DLG2: variants seen among roughly 807,000 people sequenced by gnomAD.
The protein encoded by DLG2 is disks large homolog 2.
DLG2 carries 45 observed loss-of-function variants against 132.5 expected under a neutral mutation model. The ratio of observed to expected loss-of-function variants is 0.34; its 90% CI spans 0.27 to 0.44. The LOEUF is 0.44. Among genes scored for constraint, DLG2 ranks in the 20% least tolerant of loss-of-function variants. The pLI is 1.00. For missense variants in DLG2, 1,045 were observed against 1,196.9 expected, an observed-to-expected ratio of 0.87 and a Z score of 1.87; for synonymous variants, 424 against 419.6, an observed-to-expected ratio of 1.01 and a Z score of -0.13.
intron 6 of DLG2, among the ~76,000 whole-genome samples, chr11:84,759,450 A>G (rs2067309126): frequency 6.6e-6 from 1 of 152,198 alleles, no homozygotes; most frequent in African/African-American, 2.4e-5. Flanking sequence ...TATTATAATT[A>G]TCATAATAAT....
rs562605069 is a variant in DLG2, at chr11:83,966,638, G to A, written c.1057-1170C>T. ...TATATAAAAAAATAAATTTTGTTGT[G>A]TATATTTCAGGTTCACAGCATGATG... On this transcript the variant is annotated intron_variant, in intron 12 of 27. Transcript: ENST00000376104. 2.1e-3 allele frequency among the ~76,000 whole-genome samples: 326 copies of A among 152,086 alleles called. 1 individual carries two copies. Among genetic ancestry groups the A allele is most frequent in the African/African-American group, 5.9e-3 (246 of 41,550 alleles).
At position 85,089,075 on chromosome 11, in the gene DLG2, A is replaced by T. The variant is rs623403; in HGVS notation, c.357+22586T>A. Among the ~76,000 whole-genome samples, 13 of 152,228 alleles carry T rather than the reference A, an allele frequency of 8.5e-5. No homozygotes were observed. In the South Asian group the frequency reaches 2.5e-3, roughly 29 times the overall value. On this transcript the variant is annotated intron_variant, in intron 6 of 27. Coordinates refer to ENST00000376104, the MANE Select transcript of DLG2 (RefSeq NM_001142699.3). ...AGCTCCTTACCACTTGAGGGTCCAA[A>T]GTCTCCCAGTTTGAGAACTATTCTT... is the stretch of plus-strand genomic sequence containing the variant.
chr11:83,668,794 AAC>A (rs1238221829), intron 18 of DLG2, among the ~76,000 whole-genome samples: 901 of 82,088 alleles, frequency 0.011, 20 homozygotes, highest in African/African-American at 0.02. Flanking sequence ...TGTGTATATA[AAC>A]ACACATATAT....
chr11:83,628,619 C>T (rs1422963899), intron 19 of DLG2, among the ~76,000 whole-genome samples: 1 of 152,026 alleles, frequency 6.6e-6, no homozygotes, highest in Non-Finnish European at 1.5e-5. Context: ...AATGGTTGAC[C>T]CATAGAAAAT....
chr11:83,913,539 C>A (rs2076422202), intron 15 of DLG2, among the ~76,000 whole-genome samples: 1 of 151,984 alleles, frequency 6.6e-6, no homozygotes, highest in African/African-American at 2.4e-5. Context: ...AGGCTAATTT[C>A]TATAACTTTG....
chr11:84,505,361 A>T (rs2099236025), intron 7 of DLG2, among the ~76,000 whole-genome samples: 1 of 152,190 alleles, frequency 6.6e-6, no homozygotes, highest in Non-Finnish European at 1.5e-5. Flanking sequence ...ATTTGTCTTC[A>T]CAAGAATCCT....
intron 10 of DLG2, among the ~76,000 whole-genome samples, chr11:84,079,439 A>C (rs1268239835): frequency 6.6e-6 from 1 of 152,072 alleles, no homozygotes; most frequent in Non-Finnish European, 1.5e-5. Flanking sequence ...ACCTGCTGCC[A>C]TGCCCAGCTA....
chr11:84,410,533 ACT>A (rs2098894844), intron 7 of DLG2, among the ~76,000 whole-genome samples: 1 of 147,908 alleles, frequency 6.8e-6, no homozygotes, highest in Non-Finnish European at 1.5e-5. Flanking sequence ...CCTATCAATG[ACT>A]CTACTATATA....
chr11:84,625,053 G>A (rs2099620296), intron 6 of DLG2, among the ~76,000 whole-genome samples: 1 of 149,918 alleles, frequency 6.7e-6, no homozygotes, highest in Non-Finnish European at 1.5e-5. Context: ...GTAGAGACGG[G>A]GTTTCACCGT....
chr11:83,869,351 C>A (rs1167801061), intron 16 of DLG2, among the ~76,000 whole-genome samples: 1 of 152,080 alleles, frequency 6.6e-6, no homozygotes, highest in Admixed American at 6.6e-5. Flanking sequence ...AAGGAGAGAA[C>A]AAGAGAGAGA....
chr11:83,483,482 A>G (rs957164096), intron 22 of DLG2, among the ~76,000 whole-genome samples: 3 of 152,138 alleles, frequency 2.0e-5, no homozygotes, highest in Admixed American at 6.5e-5. Flanking sequence ...GAGATTCAAG[A>G]AGGAAATTTC....
intron 7 of DLG2, among the ~76,000 whole-genome samples, chr11:84,345,525 C>T (rs936706490): frequency 6.6e-6 from 1 of 152,168 alleles, no homozygotes; most frequent in Non-Finnish European, 1.5e-5. Context: ...TTTAACTGGA[C>T]TGATAGTGGT....
At chr11:84,080,760 G>A (rs1594813486) in intron 10 of DLG2, among the ~76,000 whole-genome samples, 1 of 152,086 alleles carries the variant, frequency 6.6e-6, no homozygotes, top group Non-Finnish European at 1.5e-5. Context: ...GGGAAGCTGA[G>A]GTGGGTGGAT....
At chr11:84,442,022 C>A (rs2099018721) in intron 7 of DLG2, among the ~76,000 whole-genome samples, 1 of 152,104 alleles carries the variant, frequency 6.6e-6, no homozygotes, top group African/African-American at 2.4e-5. Flanking sequence ...TTACTGTAGT[C>A]TTATAGTATA....
Position 83,455,222 on chromosome 11 carries a change from G to T in DLG2, c.*4596C>A, listed in dbSNP as rs1329214863. 2.0e-5 allele frequency: 3 copies of T among 152,616 alleles called. No individual in the cohort carries two copies. In the East Asian group the frequency reaches 5.8e-4, roughly 29 times the overall value. The allele number at this position is 152,616 out of a possible 1,614,324, so 9.5% of individuals were successfully genotyped here. A position where few individuals can be genotyped will look rare whatever the true frequency, so the allele number is the denominator to read the frequency against. ...TATTTTTTACACAAATGGAATGGAA[G>T]TGTTGAATATTTACACTTAACAGGA... On this transcript the variant is annotated 3_prime_UTR_variant, in exon 28 of 28. Transcript: ENST00000376104.
intron 21 of DLG2, among the ~76,000 whole-genome samples, chr11:83,491,357 C>T (rs1379249213): frequency 1.3e-5 from 2 of 151,886 alleles, no homozygotes; most frequent in African/African-American, 4.8e-5. Context: ...GGAGCTAATC[C>T]TCTTTTGATC....
At chr11:85,040,540 G>C (rs1313220208) in intron 6 of DLG2, among the ~76,000 whole-genome samples, 1 of 151,920 alleles carries the variant, frequency 6.6e-6, no homozygotes, top group Non-Finnish European at 1.5e-5. Context: ...TATAATATGA[G>C]TAGCAACTAA....
intron 6 of DLG2, among the ~76,000 whole-genome samples, chr11:84,625,402 G>A (rs1412654125): frequency 1.3e-5 from 2 of 152,134 alleles, no homozygotes; most frequent in Non-Finnish European, 2.9e-5. Context: ...CATTACTTAT[G>A]ACTAGTTCCC....
chr11:84,707,082 A>G (rs1178889624), intron 6 of DLG2, among the ~76,000 whole-genome samples: 1 of 151,742 alleles, frequency 6.6e-6, no homozygotes, highest in Non-Finnish European at 1.5e-5. Context: ...TATCTTCCTG[A>G]GTCCAAAGAA....
Sources: allele counts gnomAD v4.1 joint callset (sites outside exome capture counted in the v4.1 genomes callset), GRCh38; gene constraint gnomAD v4.1.1; transcripts MANE v1.5; gene names NCBI Gene and HGNC (gene_info 2026-07-23, HGNC 2026-07-21).